The following NBAS variants were observed in gnomAD, a reference collection of about 807,000 sequenced individuals.
NBAS encodes NBAS subunit of NRZ tethering complex.
NBAS carries 219 observed loss-of-function variants against 302.5 expected under a neutral mutation model. The ratio of observed to expected loss-of-function variants is 0.72; its 90% CI spans 0.65 to 0.81. The LOEUF (loss-of-function observed/expected upper bound fraction) is 0.81. Among genes scored for constraint, NBAS ranks in the 30% least tolerant of loss-of-function variants. The probability of loss-of-function intolerance (pLI) is 0.00; values close to 1 mark genes in which losing one functional copy is unlikely to be tolerated. For synonymous variants in NBAS, 1,118 were observed against 1,021.6 expected, an observed-to-expected ratio of 1.09 and a Z score of -1.80; for missense variants, 2,932 against 2,841.6, an observed-to-expected ratio of 1.03 and a Z score of -0.72.
the NBAS span, among the ~76,000 whole-genome samples, chr2:15,063,120 G>A: frequency 5.9e-5 from 9 of 152,078 alleles, no homozygotes; most frequent in African/African-American, 2.2e-4. Context: ...GTGGAGTGTG[G>A]GCAACTCCAG....
the NBAS span, among the ~76,000 whole-genome samples, chr2:15,128,957 T>C: frequency 1.3e-5 from 2 of 152,098 alleles, no homozygotes; most frequent in African/African-American, 4.8e-5. Flanking sequence ...ACTGTGGAGA[T>C]AGAGGGAAAG....
the NBAS span, among the ~76,000 whole-genome samples, chr2:14,876,730 T>C: frequency 6.6e-6 from 1 of 152,240 alleles, no homozygotes; most frequent in Non-Finnish European, 1.5e-5. Context: ...ATATTTCCTT[T>C]TGATTGTACA....
At chr2:15,235,904 G>A (rs1452592910) in intron 45 of NBAS, among the ~76,000 whole-genome samples, 1 of 152,138 alleles carries the variant, frequency 6.6e-6, no homozygotes, top group Non-Finnish European at 1.5e-5. Context: ...TAAGAGAAGA[G>A]GGAACTGAGG....
the NBAS span, among the ~76,000 whole-genome samples, chr2:15,150,562 T>C: frequency 2.0e-5 from 3 of 152,214 alleles, no homozygotes; most frequent in Non-Finnish European, 4.4e-5. Context: ...TCTGGACTGA[T>C]ACCTGGCCCT....
chr2:15,247,794 C>T (rs901397500), intron 44 of NBAS, among the ~76,000 whole-genome samples: 1 of 150,456 alleles, frequency 6.6e-6, no homozygotes, highest in African/African-American at 2.5e-5. Flanking sequence ...AATGACAATA[C>T]GGGCTCATAA....
At chr2:14,792,303 A>C in the NBAS span, among the ~76,000 whole-genome samples, 9 of 152,206 alleles carry the variant, frequency 5.9e-5, no homozygotes, top group Non-Finnish European at 8.8e-5. Flanking sequence ...TAATACACCT[A>C]AGCTACCAAA....
the NBAS span, among the ~76,000 whole-genome samples, chr2:15,060,253 G>A: frequency 6.6e-6 from 1 of 152,134 alleles, no homozygotes; most frequent in African/African-American, 2.4e-5. Flanking sequence ...CATCCCCCCT[G>A]CCATGTCCGG....
At chr2:14,928,470 A>G in the NBAS span, among the ~76,000 whole-genome samples, 1 of 152,226 alleles carries the variant, frequency 6.6e-6, no homozygotes, top group South Asian at 2.1e-4. Context: ...AAGAAAAAAT[A>G]ATTTTTGTAT....
At chr2:15,380,620 T>C (rs532528829) in intron 29 of NBAS, among the ~76,000 whole-genome samples, 1,027 of 86,902 alleles carry the variant, frequency 0.012, 12 homozygotes, top group African/African-American at 0.034. Context: ...TGTACTCTAC[T>C]AGACAACTAA....
At chr2:14,955,409 C>T in the NBAS span, among the ~76,000 whole-genome samples, 1 of 152,192 alleles carries the variant, frequency 6.6e-6, no homozygotes, top group African/African-American at 2.4e-5. Context: ...ATTCTGGGGT[C>T]TGGAGGATGG....
intron 44 of NBAS, among the ~76,000 whole-genome samples, chr2:15,274,725 A>C (rs1669487671): frequency 6.6e-6 from 1 of 152,070 alleles, no homozygotes; most frequent in Admixed American, 6.6e-5. Context: ...TTCTATCACC[A>C]AGATATATAC....
chr2:14,988,055 T>C, the NBAS span, among the ~76,000 whole-genome samples: 12 of 152,172 alleles, frequency 7.9e-5, no homozygotes, highest in African/African-American at 2.9e-4. Flanking sequence ...TTGTCTACTA[T>C]TGCCGTGAAG....
intron 47 of NBAS, among the ~76,000 whole-genome samples, chr2:15,229,302 C>T (rs547302703): frequency 7.8e-6 from 1 of 127,984 alleles, no homozygotes; most frequent in South Asian, 2.7e-4. Context: ...GATCCCATCA[C>T]TGCATTCTGG....
At chr2:15,244,849 G>C (rs571605439) in intron 44 of NBAS, among the ~76,000 whole-genome samples, 17 of 152,124 alleles carry the variant, frequency 1.1e-4, no homozygotes, top group Non-Finnish European at 2.5e-4. Flanking sequence ...CATCTTATCC[G>C]CTTCTCTATG....
At chr2:15,456,614 A>C (rs980858093) in intron 21 of NBAS, among the ~76,000 whole-genome samples, 1 of 152,220 alleles carries the variant, frequency 6.6e-6, no homozygotes, top group African/African-American at 2.4e-5. Context: ...GTATTTAACG[A>C]ATGCCTACTT....
intron 48 of NBAS, among the ~76,000 whole-genome samples, chr2:15,217,634 C>T (rs923206083): frequency 2.6e-5 from 4 of 152,196 alleles, no homozygotes; most frequent in Admixed American, 2.6e-4. Context: ...TCTAACCCTG[C>T]GTGCTAAAGC....
At chr2:15,442,359 C>T (rs1413286798) in intron 21 of NBAS, among the ~76,000 whole-genome samples, 20 of 150,232 alleles carry the variant, frequency 1.3e-4, no homozygotes, top group Non-Finnish European at 2.1e-4. Flanking sequence ...CACTCAAAAC[C>T]GCTCAACTAC....
chr2:15,193,643 A>AT, intron 48 of NBAS, among the ~76,000 whole-genome samples: 1 of 152,112 alleles, frequency 6.6e-6, no homozygotes, highest in South Asian at 2.1e-4. Flanking sequence ...TGGGCCTAAA[A>AT]TTAGACTTGA....
At chr2:15,116,542 A>G in the NBAS span, among the ~76,000 whole-genome samples, 5 of 152,222 alleles carry the variant, frequency 3.3e-5, no homozygotes, top group African/African-American at 1.2e-4. Flanking sequence ...TAAAGGTCCC[A>G]TATCCAAATA....
Sources: gnomAD v4.1 joint callset for allele counts (sites outside exome capture counted in the v4.1 genomes callset) on GRCh38, gnomAD v4.1.1 for gene constraint, MANE v1.5 for transcripts, NCBI Gene and HGNC (gene_info 2026-07-23, HGNC 2026-07-21) for gene names.